The following TNNT1 variants were observed in gnomAD, a reference collection of about 807,000 sequenced individuals.
TNNT1 encodes the protein troponin T1, slow skeletal type.
Under a neutral mutation model 50.6 loss-of-function variants are expected in TNNT1, and 53 were observed. The ratio of observed to expected loss-of-function variants is 1.05; its 90% CI spans 0.84 to 1.32. TNNT1 has a LOEUF of 1.32. TNNT1 is among the 40% of genes most tolerant of loss of function. The pLI, the probability that TNNT1 is intolerant of heterozygous loss-of-function variation, is 0.00. For synonymous variants in TNNT1, 142 were observed against 138.0 expected (o/e 1.03, Z -0.20); for missense variants, 348 against 381.7 (o/e 0.91, Z 0.74).
chr19:55,139,289 C>T (rs937218917), intron 9 of TNNT1, among the ~76,000 whole-genome samples: 3 of 152,166 alleles, frequency 2.0e-5, no homozygotes, highest in Admixed American at 6.5e-5. Context: ...CGTCAGCCAT[C>T]GCGCCTAAAC....
At chr19:55,136,054 A>T (rs2085341727) in intron 11 of TNNT1, among the ~76,000 whole-genome samples, 2 of 152,328 alleles carry the variant, frequency 1.3e-5, no homozygotes, top group South Asian at 4.1e-4. Flanking sequence ...CCATGAAGCC[A>T]CTTTACAGCA....
At position 55,149,141 on chromosome 19, in the gene TNNT1, G is replaced by A. The variant is rs1304898545; in HGVS notation, c.-12+20C>T. 5.3e-5 allele frequency: 24 copies of A among 456,066 alleles called. No homozygotes were observed. The highest frequency in any genetic ancestry group is 8.8e-5 in the Non-Finnish European group (20 of 226,908). The allele number at this position is 456,066 out of a possible 1,614,324, so 28.3% of individuals were successfully genotyped here. A position where few individuals can be genotyped will look rare whatever the true frequency, so the allele number is the denominator to read the frequency against. On this transcript the variant is annotated intron_variant, in intron 1 of 13. Coordinates refer to ENST00000588981, the MANE Select transcript of TNNT1 (RefSeq NM_003283.6). The stretch of plus-strand genomic sequence containing the variant: ...AGGACATGGTTTTTGAAGACCACAG[G>A]GCTCCGCAGAGCCCCTTACCTAGGC...
intron 13 of TNNT1, 56 bp downstream of exon 13, chr19:55,133,831 T>C: frequency 1.2e-6 from 2 of 1,608,154 alleles, no homozygotes. Flanking sequence ...GAAAGAGGCC[T>C]GAGAGTCAGC....
intron 13 of TNNT1, 91 bp downstream of exon 13, chr19:55,133,796 G>C: frequency 6.9e-7 from 1 of 1,454,818 alleles, no homozygotes; most frequent in Non-Finnish European, 9.7e-7. Context: ...CTCAGGCAGT[G>C]GGGGATGGAG....
chr19:55,141,382 G>C (rs2085451766), intron 7 of TNNT1, 80 bp from the exon 8 acceptor site: 2 of 1,053,464 alleles, frequency 1.9e-6, no homozygotes, highest in East Asian at 4.7e-5. Flanking sequence ...ATGCAGGATG[G>C]TGAACTGAAC....
At chr19:55,147,683 C>CTGGGGGGGGAGGGGCTGGAGGCT (rs2085600728) in intron 1 of TNNT1, among the ~76,000 whole-genome samples, 1 of 90,472 alleles carries the variant, frequency 1.1e-5, no homozygotes, top group Non-Finnish European at 2.2e-5. Context: ...GGGCTGGGGT[C>CTGGGGGGGGAGGGGCTGGAGGCT]TGGACTCCTG....
In TNNT1 at chr19:55,139,363, T is replaced by C. The variant is rs2085410709; in HGVS notation, c.388-1289A>G. 2.6e-5 allele frequency among the ~76,000 whole-genome samples: 4 copies of C among 152,222 alleles called. No homozygotes were observed. In the South Asian group the frequency reaches 8.3e-4, roughly 32 times the overall value. On this transcript the variant is annotated intron_variant, in intron 9 of 13. Coordinates refer to ENST00000588981, the MANE Select transcript of TNNT1 (RefSeq NM_003283.6). ...GCAGAAAAACAATGCAGATTTGTTA[T>C]CTTACAGCTCTGCAGATCAGACATC...
intron 11 of TNNT1, among the ~76,000 whole-genome samples, chr19:55,135,909 C>T (rs1448988993): frequency 6.6e-6 from 1 of 152,192 alleles, no homozygotes; most frequent in Admixed American, 6.5e-5. Flanking sequence ...CTGTGCACAT[C>T]CTTTCCCGTC....
intron 10 of TNNT1, among the ~76,000 whole-genome samples, 185 bp downstream of exon 10, chr19:55,137,776 C>T (rs1415355477): frequency 6.6e-6 from 1 of 151,062 alleles, no homozygotes; most frequent in Non-Finnish European, 1.5e-5. Flanking sequence ...GCCCCTCCTC[C>T]CTCAGACCCA....
At chr19:55,148,932 G>A (rs2085629955) in intron 1 of TNNT1, among the ~76,000 whole-genome samples, 2 of 151,982 alleles carry the variant, frequency 1.3e-5, no homozygotes, top group African/African-American at 4.8e-5. Context: ...GGACATCCAA[G>A]TCCTGGCAGC....
At chr19:55,143,247 G>A (rs568923197) in intron 6 of TNNT1, among the ~76,000 whole-genome samples, 65 of 151,684 alleles carry the variant, frequency 4.3e-4, no homozygotes, top group Middle Eastern at 3.4e-3. Context: ...TGATCCTCCC[G>A]CCTCAGCCTC....
At chr19:55,148,828 C>A (rs78905203) in intron 1 of TNNT1, among the ~76,000 whole-genome samples, 3,114 of 152,070 alleles carry the variant, frequency 0.02, 82 homozygotes, top group East Asian at 0.063. Context: ...AATCCTGACA[C>A]CCAGATTGTT....
At chr19:55,135,863 G>A (rs2085338791) in intron 11 of TNNT1, among the ~76,000 whole-genome samples, 2 of 152,080 alleles carry the variant, frequency 1.3e-5, no homozygotes, top group African/African-American at 4.8e-5. Context: ...AGGAAGGAGG[G>A]CCCACAGCGC....
intron 3 of TNNT1, 27 bp from the exon 4 acceptor site, chr19:55,146,734 G>A: frequency 6.7e-7 from 1 of 1,488,680 alleles, no homozygotes; most frequent in South Asian, 1.4e-5. Flanking sequence ...AGAAGAGAAG[G>A]CGTTAGGAGC....
chr19:55,144,881 G>C (rs534756930), intron 6 of TNNT1, among the ~76,000 whole-genome samples: 2 of 152,320 alleles, frequency 1.3e-5, no homozygotes, highest in East Asian at 3.9e-4. Context: ...TCTGGTGTTA[G>C]AAAAGTCTCT....
intron 6 of TNNT1, among the ~76,000 whole-genome samples, chr19:55,145,031 C>T (rs928546211): frequency 2.6e-5 from 4 of 151,606 alleles, no homozygotes; most frequent in Non-Finnish European, 5.9e-5. Flanking sequence ...TGGTGGCTTG[C>T]GCCTGTAATC....
At chr19:55,136,098 T>G (rs1219287711) in intron 11 of TNNT1, among the ~76,000 whole-genome samples, 1 of 152,210 alleles carries the variant, frequency 6.6e-6, no homozygotes, top group Non-Finnish European at 1.5e-5. Context: ...TGCACCAGAC[T>G]GCCGGGTTCA....
At position 55,133,874 on chromosome 19, in the gene TNNT1, C is replaced by G. The variant is rs758233147; in HGVS notation, c.791+13G>C. Reference sequence around the variant, plus strand: ...TAGGGACAAGAGCAAGGGCTTGAGACGGTCACACTCACAACTTCTGGGCGT... The same window carrying G: ...TAGGGACAAGAGCAAGGGCTTGAGAGGGTCACACTCACAACTTCTGGGCGT... On this transcript the variant is annotated intron_variant, in intron 13 of 13. Transcript: ENST00000588981. 2 of 1,613,746 alleles carry G rather than the reference C, an allele frequency of 1.2e-6. No individual in the cohort carries two copies. Among genetic ancestry groups the G allele is most frequent in the Non-Finnish European group, 8.5e-7 (1 of 1,179,968 alleles).
chr19:55,137,072 C>A, intron 11 of TNNT1, 31 bp downstream of exon 11: 1 of 1,335,644 alleles, frequency 7.5e-7, no homozygotes, highest in South Asian at 1.2e-5. Flanking sequence ...ACACCCAGGC[C>A]CCTACACCCC....
Sources: gnomAD v4.1 joint callset for allele counts (sites outside exome capture counted in the v4.1 genomes callset) on GRCh38, gnomAD v4.1.1 for gene constraint, MANE v1.5 for transcripts, NCBI Gene and HGNC (gene_info 2026-07-23, HGNC 2026-07-21) for gene names.